CHRNA6: variants seen among roughly 807,000 people sequenced by gnomAD.
CHRNA6 encodes neuronal acetylcholine receptor subunit alpha-6.
In CHRNA6, 31 loss-of-function variants were observed where a neutral mutation model predicts 40.9. The observed-to-expected ratio is 0.76, with a 90% CI of 0.57 to 1.02. CHRNA6 has a LOEUF of 1.02. CHRNA6 is among the 50% of genes least tolerant of loss of function. CHRNA6 has a pLI of 0.00. For missense variants in CHRNA6, 546 were observed against 596.6 expected (o/e 0.92, Z 0.88); for synonymous variants, 222 against 221.3 (o/e 1.00, Z -0.03).
intron 3 of CHRNA6, 120 bp downstream of exon 3, chr8:42,758,949 T>G: frequency 2.6e-6 from 2 of 783,696 alleles, no homozygotes; most frequent in Non-Finnish European, 4.4e-6. Context: ...CTTTAGGCTT[T>G]GGAGATGACC....
At chr8:42,753,557 C>T (rs1816753556) in intron 5 of CHRNA6, among the ~76,000 whole-genome samples, 1 of 152,120 alleles carries the variant, frequency 6.6e-6, no homozygotes, top group African/African-American at 2.4e-5. Context: ...GCCTGTAGTC[C>T]TAGCTACTCA....
intron 2 of CHRNA6, among the ~76,000 whole-genome samples, chr8:42,760,107 A>T (rs1816876379): frequency 6.6e-6 from 1 of 152,232 alleles, no homozygotes; most frequent in African/African-American, 2.4e-5. Context: ...ATGGGGAGAC[A>T]TAAAATTACT....
At chr8:42,754,585 T>C (rs1372787015) in intron 5 of CHRNA6, among the ~76,000 whole-genome samples, 2 of 152,194 alleles carry the variant, frequency 1.3e-5, no homozygotes, top group Non-Finnish European at 2.9e-5. Flanking sequence ...TCACAGCATC[T>C]TCCTTCTACA....
intron 1 of CHRNA6, among the ~76,000 whole-genome samples, chr8:42,766,395 G>C (rs1418221724): frequency 6.6e-6 from 1 of 152,128 alleles, no homozygotes; most frequent in Non-Finnish European, 1.5e-5. Flanking sequence ...GGGAGGCTTA[G>C]GCAGGAGAAT....
chr8:42,754,362 G>A (rs1207085169), intron 5 of CHRNA6, among the ~76,000 whole-genome samples: 1 of 151,992 alleles, frequency 6.6e-6, no homozygotes, highest in Admixed American at 6.6e-5. Context: ...TAGAAATAAG[G>A]TCTCAATATG....
intron 5 of CHRNA6, among the ~76,000 whole-genome samples, chr8:42,755,054 T>TTG (rs1202914651): frequency 7.3e-5 from 11 of 150,926 alleles, no homozygotes; most frequent in Admixed American, 5.3e-4. Context: ...TTTTTTTTTT[T>TTG]TCCTGAGACA....
At chr8:42,761,576 T>C (rs1816905171) in intron 2 of CHRNA6, among the ~76,000 whole-genome samples, 1 of 152,206 alleles carries the variant, frequency 6.6e-6, no homozygotes, top group Non-Finnish European at 1.5e-5. Context: ...TCGGAGAAGC[T>C]CCAGGTGGTA....
At chr8:42,755,731 A>T in intron 5 of CHRNA6, 115 bp downstream of exon 5, 1 of 1,227,676 alleles carries the variant, frequency 8.1e-7, no homozygotes, top group South Asian at 1.5e-5. Flanking sequence ...TCTCAGAGCA[A>T]GGCCGCCTGA....
chr8:42,763,473 A>T lies in CHRNA6; in HGVS notation c.219+1592T>A, dbSNP rs1161934783. 3.9e-5 allele frequency among the ~76,000 whole-genome samples: 6 copies of T among 152,320 alleles called. No homozygotes were observed. In the East Asian group the frequency reaches 1.2e-3, roughly 29 times the overall value. On this transcript the variant is annotated intron_variant, in intron 2 of 5. Transcript: ENST00000276410. Reference sequence around the variant, plus strand: ...ACCAAATGTAAATGTCAAAATCTGCATTTACCAGCCCTTTCACCCCCATCT... The same window carrying T: ...ACCAAATGTAAATGTCAAAATCTGCTTTTACCAGCCCTTTCACCCCCATCT...
chr8:42,758,953 G>A, intron 3 of CHRNA6, 116 bp downstream of exon 3: 1 of 808,864 alleles, frequency 1.2e-6, no homozygotes, highest in Non-Finnish European at 2.1e-6. Context: ...AGGCTTTGGA[G>A]ATGACCTAGT....
chr8:42,764,979 A>G (rs1011621096), intron 2 of CHRNA6, 86 bp downstream of exon 2: 4 of 1,428,046 alleles, frequency 2.8e-6, no homozygotes, highest in East Asian at 2.3e-5. Context: ...GTAGATTTGC[A>G]TCTATCTGTA....
chr8:42,763,993 C>T (rs971790125), intron 2 of CHRNA6, among the ~76,000 whole-genome samples: 7 of 152,168 alleles, frequency 4.6e-5, no homozygotes, highest in Non-Finnish European at 1.0e-4. Flanking sequence ...CTGGGGCTGA[C>T]TTGAGCAGGG....
intron 3 of CHRNA6, among the ~76,000 whole-genome samples, chr8:42,758,760 T>G (rs1219725399): frequency 6.6e-6 from 1 of 152,154 alleles, no homozygotes; most frequent in African/African-American, 2.4e-5. Context: ...TCTCCAAGCC[T>G]GGTCAAGCAG....
chr8:42,766,521 A>AGAAAGAAAGAAAGAAAGAAAGAAAGAAAG (rs1563627476), intron 1 of CHRNA6, among the ~76,000 whole-genome samples: 1 of 151,826 alleles, frequency 6.6e-6, no homozygotes, highest in Non-Finnish European at 1.5e-5. Flanking sequence ...AAAGAAAGAA[A>AGAAAGAAAGAAAGAAAGAAAGAAAGAAAG]ATGTGGTATA....
rs1003560319 is a variant in CHRNA6 at position 42,752,947 on chromosome 8, G to T, written c.*232C>A. On this transcript the variant is annotated 3_prime_UTR_variant, in exon 6 of 6. Coordinates refer to ENST00000276410, the MANE Select transcript of CHRNA6 (RefSeq NM_004198.3). ...AACCTGACCTGATACTGTAGCCGTGGGTGCTGCCCAATCAGGGCACTAATG... is the reference window on the plus strand; with the variant it reads ...AACCTGACCTGATACTGTAGCCGTGTGTGCTGCCCAATCAGGGCACTAATG... The T allele has an allele frequency of 7.8e-6, 3 of 384,574 alleles. No homozygotes were observed. The highest frequency in any genetic ancestry group is 9.2e-6 in the Non-Finnish European group (2 of 216,336). 23.8% of individuals were successfully genotyped at this position (384,574 alleles called of 1,614,324 possible).
chr8:42,765,871 C>T (rs974100584), intron 1 of CHRNA6, among the ~76,000 whole-genome samples: 2 of 152,184 alleles, frequency 1.3e-5, no homozygotes, highest in African/African-American at 2.4e-5. Context: ...AATGAGATAT[C>T]ATCTCAAGCC....
intron 3 of CHRNA6, among the ~76,000 whole-genome samples, chr8:42,758,108 A>G (rs1199030302): frequency 2.0e-5 from 3 of 152,228 alleles, no homozygotes; most frequent in Non-Finnish European, 2.9e-5. Context: ...GGTTGCTATC[A>G]AAATCTGGAC....
chr8:42,762,407 G>A (rs916895737), intron 2 of CHRNA6, among the ~76,000 whole-genome samples: 3 of 152,164 alleles, frequency 2.0e-5, no homozygotes, highest in Non-Finnish European at 2.9e-5. Flanking sequence ...TCCCCACTTT[G>A]AGAGGCCAAG....
chr8:42,758,500 C>T (rs1816845466), intron 3 of CHRNA6, among the ~76,000 whole-genome samples: 1 of 152,120 alleles, frequency 6.6e-6, no homozygotes, highest in African/African-American at 2.4e-5. Flanking sequence ...GCTGGGATTA[C>T]GGGCACCCAC....
Sources: allele counts gnomAD v4.1 joint callset (sites outside exome capture counted in the v4.1 genomes callset), GRCh38; gene constraint gnomAD v4.1.1; transcripts MANE v1.5; gene names NCBI Gene and HGNC (gene_info 2026-07-23, HGNC 2026-07-21).